The following RFC5 variants were observed in gnomAD, a reference collection of about 807,000 sequenced individuals.
The protein encoded by RFC5 is replication factor C subunit 5.
A neutral mutation model predicts 44.3 loss-of-function variants in RFC5; 26 were observed. The ratio of observed to expected loss-of-function variants is 0.59; its 90% CI spans 0.43 to 0.81. The LOEUF is 0.81. Ranked by LOEUF, RFC5 falls within the 40% of genes least tolerant of loss-of-function variation. RFC5 has a pLI of 0.00. For synonymous variants in RFC5, 155 were observed against 155.2 expected, an observed-to-expected ratio of 1.00 and a Z score of 0.01; for missense variants, 328 against 418.6, an observed-to-expected ratio of 0.78 and a Z score of 1.89.
At chr12:118,017,675 A>ATT (rs543384549) in intron 1 of RFC5, 366 of 789,910 alleles carry the variant, frequency 4.6e-4, no homozygotes, top group South Asian at 8.0e-4. Context: ...GTATTTACGT[A>ATT]TTTTTTTTTT....
Position 118,016,908 on chromosome 12 carries a change from G to A in RFC5, c.65+16G>A, listed in dbSNP as rs1253386027. Reference sequence around the variant, plus strand: ...ACCTGCCCTGGTAGGAGGAGGCCGAGCGGCGGCGGTGGGCAGAGGGGGCCA... The same window carrying A: ...ACCTGCCCTGGTAGGAGGAGGCCGAACGGCGGCGGTGGGCAGAGGGGGCCA... On this transcript the variant is annotated intron_variant, in intron 1 of 10. Transcript: ENST00000454402. 3 of 1,610,960 alleles carry A rather than the reference G, an allele frequency of 1.9e-6. No individual in the cohort carries two copies. Among genetic ancestry groups the A allele is most frequent in the East Asian group, 2.2e-5 (1 of 44,806 alleles).
chr12:118,023,041 G>T (rs966121079), intron 5 of RFC5, among the ~76,000 whole-genome samples: 7 of 150,122 alleles, frequency 4.7e-5, no homozygotes, highest in Non-Finnish European at 8.9e-5. Flanking sequence ...GTGGGATGGG[G>T]TGTGGAAAAT....
downstream of RFC5, among the ~76,000 whole-genome samples, chr12:118,037,664 G>T (rs201007359): frequency 2.3e-4 from 32 of 137,990 alleles, no homozygotes; most frequent in East Asian, 6.5e-3. Flanking sequence ...GCGAAACTCT[G>T]TCTAAAAAAA....
chr12:118,036,316 A>G (rs1593462132), downstream of RFC5: 14 of 1,604,626 alleles, frequency 8.7e-6, no homozygotes, highest in East Asian at 3.1e-4. Context: ...CAAAAAAGTC[A>G]TAGCAGGGAT....
At chr12:118,034,453 C>T, downstream of RFC5, 1 of 1,454,804 alleles carries the variant, frequency 6.9e-7, no homozygotes, top group Non-Finnish European at 9.4e-7. Flanking sequence ...CTGCAAAGAG[C>T]AGGAGACTTC....
At chr12:118,016,929 G>T (rs1456564120) in intron 1 of RFC5, 37 bp downstream of exon 1, 2 of 1,567,062 alleles carry the variant, frequency 1.3e-6, no homozygotes, top group East Asian at 4.5e-5. Context: ...GGGCAGAGGG[G>T]GCCAGGCGGC....
intron 10 of RFC5, 135 bp downstream of exon 10, chr12:118,029,960 TGAATG>T (rs2031209349): frequency 1.4e-6 from 1 of 718,558 alleles, no homozygotes; most frequent in East Asian, 2.5e-5. Context: ...CTGGTGATAT[TGAATG>T]GAATGTGGGG....
Position 118,028,004 on chromosome 12 carries a change from C to T in RFC5, c.845C>T (p.Thr282Ile). The change falls in exon 9 of 11, where the codon ACA becomes ATA. Residue 282 changes from threonine to isoleucine, a missense_variant. By Grantham distance (89) the Thr-to-Ile change is moderately conservative (BLOSUM62 -1). Transcript: ENST00000454402. The stretch of plus-strand genomic sequence containing the variant: ...GGGTTGGCACTGCATGATATCCTGA[C>T]AGAGATACACTTGTTTGTGCATAGA... ...LKGLALHDIL[T>I]EIHLFVHRVD... is the part of the protein sequence containing the mutation. The T allele has an allele frequency of 1.9e-6, 3 of 1,608,768 alleles. No individual in the cohort carries two copies. Among genetic ancestry groups the T allele is most frequent in the East Asian group, 2.2e-5 (1 of 44,856 alleles).
Position 118,029,301 on chromosome 12 carries a change from C to T in RFC5, c.872-470C>T, listed in dbSNP as rs1348142600. Among the ~76,000 whole-genome samples, 7 of 152,220 alleles carry T rather than the reference C, an allele frequency of 4.6e-5. No homozygotes were observed. In the East Asian group the frequency reaches 7.7e-4, roughly 17 times the overall value. ...GGCAAGGTGGCGCACACCTGTAGCC[C>T]CAGTTACTCAAGGGTCTTGAGGTGG... On this transcript the variant is annotated intron_variant, in intron 9 of 10. Coordinates refer to ENST00000454402, the MANE Select transcript of RFC5 (RefSeq NM_007370.7).
chr12:118,034,169 A>G (rs1566134480), downstream of RFC5: 2 of 1,613,650 alleles, frequency 1.2e-6, no homozygotes, highest in East Asian at 2.2e-5. Context: ...TTACCCTGCT[A>G]CAAAGAAGCA....
Position 118,024,870 on chromosome 12 carries a change from A to G in RFC5, c.441A>G (p.Glu147=). The G allele has an allele frequency of 6.2e-7, 1 of 1,609,648 alleles. No homozygotes were observed. The highest frequency in any genetic ancestry group is 8.5e-7 in the Non-Finnish European group (1 of 1,178,756). Reference sequence around the variant, plus strand: ...TACTAGTAATTGAGAAATTCACAGAAAATACCAGATTCTGCCTCATCTGTA... The same window carrying G: ...TACTAGTAATTGAGAAATTCACAGAGAATACCAGATTCTGCCTCATCTGTA... ...ALRRVIEKFT[E]NTRFCLICNY... is the part of the protein sequence containing the mutation. Residue 147 remains glutamate (E), a synonymous_variant, in exon 6 of 11, where the codon GAA becomes GAG. Coordinates refer to ENST00000454402, the MANE Select transcript of RFC5 (RefSeq NM_007370.7).
downstream of RFC5, among the ~76,000 whole-genome samples, chr12:118,036,917 C>T (rs2031524831): frequency 6.6e-6 from 1 of 152,192 alleles, no homozygotes; most frequent in Admixed American, 6.5e-5. Context: ...CACGATGGCT[C>T]ATGCCTGTAA....
intron 5 of RFC5, among the ~76,000 whole-genome samples, chr12:118,023,757 T>C (rs770010849): frequency 2.7e-5 from 4 of 149,898 alleles, no homozygotes; most frequent in African/African-American, 4.9e-5. Context: ...TCCCTGCCCA[T>C]AGAAGGTGAA....
At chr12:118,035,053 C>T, downstream of RFC5, 1 of 1,614,162 alleles carries the variant, frequency 6.2e-7, no homozygotes, top group Non-Finnish European at 8.5e-7. Flanking sequence ...GGAGCAAATG[C>T]AATGGGAGTT....
intron 9 of RFC5, among the ~76,000 whole-genome samples, chr12:118,028,662 GTCTA>G (rs759489477): frequency 2.0e-4 from 30 of 147,576 alleles, no homozygotes; most frequent in Non-Finnish European, 2.7e-4. Flanking sequence ...AAAAAAGTCT[GTCTA>G]TCTATCTGTC....
intron 5 of RFC5, among the ~76,000 whole-genome samples, chr12:118,023,183 T>C (rs946102184): frequency 4.0e-5 from 6 of 151,852 alleles, no homozygotes; most frequent in African/African-American, 1.5e-4. Context: ...CTGATATTAC[T>C]TCACTGCTTG....
intron 6 of RFC5, 41 bp from the exon 7 acceptor site, chr12:118,025,706 C>T (rs548972381): frequency 2.5e-6 from 3 of 1,178,154 alleles, no homozygotes; most frequent in East Asian, 4.7e-5. Flanking sequence ...TGCTGGTGCT[C>T]TCAGGGGGCC....
At position 118,031,180 on chromosome 12, in the gene RFC5, A is replaced by C. The variant is rs1003465343; in HGVS notation, c.927-2A>C. 3.1e-6 allele frequency: 5 copies of C among 1,609,888 alleles called. No homozygotes were observed. The African/African-American group carries it at 6.7e-5, about 22-fold the overall frequency. On this transcript the variant is annotated splice_acceptor_variant, in intron 10 of 10. Transcript: ENST00000454402. LOFTEE classifies it high-confidence loss of function. ...TCTTACCCTGTGTTTGGTTTCTGTT[A>C]GGTACAGGCTTTCTGTTGGCACCAA...
intron 10 of RFC5, among the ~76,000 whole-genome samples, chr12:118,030,370 T>A (rs1645056225): frequency 6.6e-6 from 1 of 152,134 alleles, no homozygotes; most frequent in African/African-American, 2.4e-5. Context: ...CTCTCCTCAT[T>A]GCATTGTGAA....
Sources: gnomAD v4.1 joint callset for allele counts (sites outside exome capture counted in the v4.1 genomes callset) on GRCh38, gnomAD v4.1.1 for gene constraint, MANE v1.5 for transcripts, NCBI Gene and HGNC (gene_info 2026-07-23, HGNC 2026-07-21) for gene names.